KLHL18: variants seen among roughly 807,000 people sequenced by gnomAD.
KLHL18 encodes kelch like family member 18, also known as kelch-like protein 18.
KLHL18 carries 38 observed loss-of-function variants against 58.5 expected under a neutral mutation model. That is an observed-to-expected ratio of 0.65 (90% CI 0.50 to 0.85). The LOEUF is 0.85. Ranked by LOEUF, KLHL18 falls within the 40% of genes least tolerant of loss-of-function variation. KLHL18 has a pLI of 0.00. For synonymous variants in KLHL18, 303 were observed against 301.9 expected, an observed-to-expected ratio of 1.00 and a Z score of -0.04; for missense variants, 624 against 778.4, an observed-to-expected ratio of 0.80 and a Z score of 2.36.
chr3:47,312,220 G>T (rs1204973918), intron 1 of KLHL18, among the ~76,000 whole-genome samples: 1 of 152,184 alleles, frequency 6.6e-6, no homozygotes, highest in African/African-American at 2.4e-5. Context: ...CAGCTTCCAT[G>T]TGTATTCATG....
intron 8 of KLHL18, 149 bp from the exon 9 acceptor site, chr3:47,342,570 C>T: frequency 1.6e-6 from 1 of 638,844 alleles, no homozygotes; most frequent in South Asian, 2.0e-5. Context: ...GAGGCGGCAG[C>T]CAGGGAGAAC....
At chr3:47,321,331 TTTTTG>T (rs1553632553) in intron 2 of KLHL18, among the ~76,000 whole-genome samples, 1 of 148,324 alleles carries the variant, frequency 6.7e-6, no homozygotes, top group African/African-American at 2.5e-5. Flanking sequence ...CCGTTTTTTT[TTTTTG>T]TTTTGTTTTG....
At position 47,330,099 on chromosome 3, in the gene KLHL18, G is replaced by T. The variant is rs767302440; in HGVS notation, c.550G>T (p.Val184Leu). The T allele has an allele frequency of 1.2e-6, 2 of 1,614,150 alleles. No homozygotes were observed. Among genetic ancestry groups the T allele is most frequent in the Non-Finnish European group, 1.7e-6 (2 of 1,180,038 alleles). Reference sequence around the variant, plus strand: ...GTTCCTGGCCCTGCCCTTGGAAGACGTGCTTGAGCTGGTGTCTCGGGATGA... The same window carrying T: ...GTTCCTGGCCCTGCCCTTGGAAGACTTGCTTGAGCTGGTGTCTCGGGATGA... The part of the protein sequence containing the change: ...EEFLALPLED[V>L]LELVSRDELN... Residue 184 changes from valine (V) to leucine (L), a missense_variant, in exon 4 of 10, where the codon GTG becomes TTG. By Grantham distance (32) the Val-to-Leu change is conservative. Coordinates refer to ENST00000232766, the MANE Select transcript of KLHL18 (RefSeq NM_025010.5).
At chr3:47,325,443 C>T (rs910003675) in intron 3 of KLHL18, among the ~76,000 whole-genome samples, 9 of 152,066 alleles carry the variant, frequency 5.9e-5, no homozygotes, top group Non-Finnish European at 8.8e-5. Flanking sequence ...GTGATCCGCC[C>T]GCCTCAGCCT....
chr3:47,306,915 A>G (rs1703159966), intron 1 of KLHL18, among the ~76,000 whole-genome samples: 1 of 152,136 alleles, frequency 6.6e-6, no homozygotes, highest in Non-Finnish European at 1.5e-5. Context: ...GTTTTAGACC[A>G]TTCTGTTTCA....
chr3:47,296,396 A>G (rs555448498), intron 1 of KLHL18, among the ~76,000 whole-genome samples: 7 of 152,338 alleles, frequency 4.6e-5, no homozygotes, highest in East Asian at 1.9e-4. Flanking sequence ...TCAACATACT[A>G]TATAAGTGCA....
Position 47,340,620 on chromosome 3 carries a change from C to T in KLHL18, c.1170C>T (p.Gly390=), listed in dbSNP as rs1471110622. The T allele has an allele frequency of 1.9e-6, 3 of 1,613,946 alleles. No individual in the cohort carries two copies. Among genetic ancestry groups the T allele is most frequent in the East Asian group, 2.2e-5 (1 of 44,860 alleles). ...ATGGGCAGATCTACGTCTGTGGGGG[C>T]TACGATGGCAACTCTTCCCTCAGCT... The part of the protein sequence containing the change: ...VLDGQIYVCG[G]YDGNSSLSSV... The change falls in exon 8 of 10, where the codon GGC becomes GGT. Residue 390 remains glycine (G), a synonymous_variant. Transcript: ENST00000232766.
At chr3:47,319,888 C>A in intron 2 of KLHL18, 105 bp downstream of exon 2, 1 of 1,192,454 alleles carries the variant, frequency 8.4e-7, no homozygotes, top group Non-Finnish European at 1.2e-6. Flanking sequence ...GTCTAATAGC[C>A]TAGCTCTACA....
chr3:47,284,088 T>C (rs116596999), intron 1 of KLHL18, among the ~76,000 whole-genome samples: 1,528 of 152,144 alleles, frequency 0.01, 9 homozygotes, highest in South Asian at 0.016. Flanking sequence ...AAAAATTGTC[T>C]GGGCATGGTA....
chr3:47,318,079 C>T (rs1316232988), intron 1 of KLHL18, among the ~76,000 whole-genome samples: 1 of 152,154 alleles, frequency 6.6e-6, no homozygotes, highest in African/African-American at 2.4e-5. Flanking sequence ...AGGCTGCTCT[C>T]AAACTCCTGA....
chr3:47,332,522 T>G (rs1371216555), intron 4 of KLHL18, among the ~76,000 whole-genome samples: 1 of 148,020 alleles, frequency 6.8e-6, no homozygotes, highest in African/African-American at 2.5e-5. Flanking sequence ...GCATAGACAC[T>G]GTGGTTTCGA....
intron 1 of KLHL18, among the ~76,000 whole-genome samples, chr3:47,299,654 C>T (rs1224259778): frequency 2.0e-5 from 3 of 151,780 alleles, no homozygotes; most frequent in African/African-American, 7.3e-5. Flanking sequence ...TAGTGAGACG[C>T]TGTCTCCACA....
At chr3:47,337,378 G>A (rs1704009833) in intron 7 of KLHL18, 1 of 154,382 alleles carries the variant, frequency 6.5e-6, no homozygotes, top group Non-Finnish European at 1.4e-5. Flanking sequence ...TGCTTATATT[G>A]TCTGAATAAG....
At chr3:47,336,808 A>C (rs780500057) in intron 7 of KLHL18, 51 bp downstream of exon 7, 2 of 1,441,608 alleles carry the variant, frequency 1.4e-6, no homozygotes, top group South Asian at 2.3e-5. Context: ...GCACCTGGGG[A>C]GCGCCATGCT....
Position 47,340,736 on chromosome 3 carries a change from G to A in KLHL18, c.1226+60G>A, listed in dbSNP as rs1451831721. 3.1e-6 allele frequency: 5 copies of A among 1,594,858 alleles called. No homozygotes were observed. In the African/African-American group the frequency reaches 6.7e-5, roughly 21 times the overall value. Reference sequence around the variant, plus strand: ...TTATAAACAGAGAGTATAAAAATCAGAACTGTAGTTTTTTTAATTTAAGCT... The same window carrying A: ...TTATAAACAGAGAGTATAAAAATCAAAACTGTAGTTTTTTTAATTTAAGCT... On this transcript the variant is annotated intron_variant, in intron 8 of 9. Transcript: ENST00000232766.
At chr3:47,301,402 G>T (rs367826956) in intron 1 of KLHL18, among the ~76,000 whole-genome samples, 2 of 152,224 alleles carry the variant, frequency 1.3e-5, no homozygotes, top group Non-Finnish European at 2.9e-5. Flanking sequence ...TTTGCCTCCA[G>T]TGTGAGGTAT....
At chr3:47,321,476 A>T (rs1300523482) in intron 2 of KLHL18, among the ~76,000 whole-genome samples, 1 of 152,030 alleles carries the variant, frequency 6.6e-6, no homozygotes, top group East Asian at 1.9e-4. Context: ...CAGCCTCTCA[A>T]GTAGCTGGGA....
intron 1 of KLHL18, among the ~76,000 whole-genome samples, chr3:47,288,933 AGGCTC>A (rs1702735129): frequency 6.6e-6 from 1 of 152,246 alleles, no homozygotes; most frequent in African/African-American, 2.4e-5. Context: ...CAGGAGCCCA[AGGCTC>A]AGGAAGCATT....
In KLHL18 at chr3:47,336,571, T is replaced by C. The variant is rs753804433; in HGVS notation, c.935T>C (p.Ile312Thr). 43 of 1,614,106 alleles carry C rather than the reference T, an allele frequency of 2.7e-5. No individual in the cohort carries two copies. The highest frequency in any genetic ancestry group is 3.4e-5 in the Non-Finnish European group (40 of 1,180,026). The change falls in exon 7 of 10, where the codon ATT becomes ACT. Residue 312 changes from isoleucine (I) to threonine (T), a missense_variant. Transcript: ENST00000232766. ...AATGTGGTGGAAGTGTTCGACCCCA[T>C]TGCCAATTGCTGGGAGAGATGCCGT... ...SLNVVEVFDP[I>T]ANCWERCRPM...
Sources: gnomAD v4.1 joint callset for allele counts (sites outside exome capture counted in the v4.1 genomes callset) on GRCh38, gnomAD v4.1.1 for gene constraint, MANE v1.5 for transcripts, NCBI Gene and HGNC (gene_info 2026-07-23, HGNC 2026-07-21) for gene names.